DPP6: variants seen among roughly 807,000 people sequenced by gnomAD.
DPP6 encodes the protein A-type potassium channel modulatory protein DPP6.
A neutral mutation model predicts 122.6 loss-of-function variants in DPP6; 69 were observed. The ratio of observed to expected loss-of-function variants is 0.56; its 90% CI spans 0.46 to 0.69. The LOEUF (loss-of-function observed/expected upper bound fraction) is 0.69, where lower values mean the gene tolerates loss of function less well. Among genes scored for constraint, DPP6 ranks in the 30% least tolerant of loss-of-function variants. DPP6 has a pLI of 0.00. For synonymous variants in DPP6, 418 were observed against 433.1 expected, an observed-to-expected ratio of 0.97 and a Z score of 0.43; for missense variants, 928 against 1,116.9, an observed-to-expected ratio of 0.83 and a Z score of 2.41.
intron 7 of DPP6, among the ~76,000 whole-genome samples, chr7:154,685,732 G>A (rs1416820024): frequency 6.6e-6 from 1 of 152,218 alleles, no homozygotes; most frequent in Non-Finnish European, 1.5e-5. Context: ...TACTTCCTTA[G>A]ATCAACATGC....
At chr7:154,331,894 A>T (rs1396753041) in intron 1 of DPP6, among the ~76,000 whole-genome samples, 2 of 152,208 alleles carry the variant, frequency 1.3e-5, no homozygotes, top group African/African-American at 4.8e-5. Flanking sequence ...CTTATGGTGC[A>T]CATAGCTAAA....
At chr7:154,289,019 G>A (rs2150961758) in intron 1 of DPP6, among the ~76,000 whole-genome samples, 1 of 152,310 alleles carries the variant, frequency 6.6e-6, no homozygotes, top group Admixed American at 6.5e-5. Context: ...TGCCCAGAGT[G>A]CAGCCCTGTT....
intron 7 of DPP6, among the ~76,000 whole-genome samples, chr7:154,725,472 G>C (rs1842020605): frequency 6.6e-6 from 1 of 152,132 alleles, no homozygotes; most frequent in Non-Finnish European, 1.5e-5. Context: ...AAGAGAAAGA[G>C]AGTGAAGGGG....
chr7:153,843,022 A>T, the DPP6 span, among the ~76,000 whole-genome samples: 1 of 151,574 alleles, frequency 6.6e-6, no homozygotes, highest in African/African-American at 2.4e-5. Flanking sequence ...ACACACAAGC[A>T]TGCACACACA....
At chr7:154,000,013 A>G (rs1797618552) in intron 1 of DPP6, among the ~76,000 whole-genome samples, 1 of 152,132 alleles carries the variant, frequency 6.6e-6, no homozygotes, top group African/African-American at 2.4e-5. Flanking sequence ...AAAGGTGGAA[A>G]ATTTATATAT....
intron 1 of DPP6, among the ~76,000 whole-genome samples, chr7:154,274,559 T>A (rs1804004415): frequency 6.6e-6 from 1 of 152,176 alleles, no homozygotes; most frequent in Non-Finnish European, 1.5e-5. Flanking sequence ...GACCTTGAAT[T>A]TTAGCATTTG....
intron 1 of DPP6, among the ~76,000 whole-genome samples, chr7:154,311,975 G>A (rs191489367): frequency 9.2e-5 from 14 of 152,298 alleles, no homozygotes; most frequent in Middle Eastern, 3.4e-3. Flanking sequence ...AAAACCCAAT[G>A]CAATTATTAA....
intron 1 of DPP6, among the ~76,000 whole-genome samples, chr7:154,286,352 A>C (rs1253723100): frequency 2.0e-5 from 3 of 152,172 alleles, no homozygotes; most frequent in Non-Finnish European, 4.4e-5. Flanking sequence ...ACTCATGTGC[A>C]TTCAGGACAG....
At chr7:154,783,678 C>G (rs182098871) in intron 10 of DPP6, among the ~76,000 whole-genome samples, 149 of 152,296 alleles carry the variant, frequency 9.8e-4, no homozygotes, top group Admixed American at 6.6e-3. Context: ...TCCCTTTGTC[C>G]CCTCGAGAGA....
chr7:154,075,021 G>A (rs1803455957), intron 1 of DPP6, among the ~76,000 whole-genome samples: 2 of 150,656 alleles, frequency 1.3e-5, no homozygotes, highest in African/African-American at 4.9e-5. Flanking sequence ...TTAAAAAGAA[G>A]GTATACAAAT....
At chr7:154,122,895 C>G (rs1221188448) in intron 1 of DPP6, among the ~76,000 whole-genome samples, 2 of 152,398 alleles carry the variant, frequency 1.3e-5, no homozygotes, top group African/African-American at 2.4e-5. Context: ...AGACTCTCCT[C>G]CCTCTGCCCA....
Position 153,939,540 on chromosome 7 carries a change from G to GA in DPP6, c.51+51814dup, listed in dbSNP as rs35474316. ...GAGTGTGGGGCACTGTGAGGAGTCT[G>GA]AAAAAAAAGGACCTCACTCAGGCTG... On this transcript the variant is annotated intron_variant, in intron 1 of 25. Transcript: ENST00000404039. Among the ~76,000 whole-genome samples the GA allele has an allele frequency of 9.3e-4, 142 of 151,950 alleles. 2 individuals are homozygous for GA. Among genetic ancestry groups the GA allele is most frequent in the Non-Finnish European group, 8.0e-4 (54 of 67,918 alleles).
At chr7:154,142,424 A>G (rs956620663) in intron 1 of DPP6, among the ~76,000 whole-genome samples, 1 of 152,150 alleles carries the variant, frequency 6.6e-6, no homozygotes, top group African/African-American at 2.4e-5. Context: ...TGTTTATAAT[A>G]CGTCCCCCCA....
chr7:154,290,779 G>A (rs910878299), intron 1 of DPP6, among the ~76,000 whole-genome samples: 3 of 151,966 alleles, frequency 2.0e-5, no homozygotes, highest in African/African-American at 4.8e-5. Context: ...TTCTAGAATC[G>A]CAGGTCCCTT....
chr7:153,810,373 A>G, the DPP6 span, among the ~76,000 whole-genome samples: 1 of 152,206 alleles, frequency 6.6e-6, no homozygotes, highest in Non-Finnish European at 1.5e-5. Flanking sequence ...CATATAAAAT[A>G]CTAGACAGGA....
At position 154,429,173 on chromosome 7, in the gene DPP6, A is replaced by T. The variant is rs560818268; in HGVS notation, c.244-17041A>T. 5.7e-5 allele frequency among the ~76,000 whole-genome samples: 4 copies of T among 70,196 alleles called. No individual in the cohort carries two copies. The East Asian group carries it at 1.9e-3, about 34-fold the overall frequency. The allele number at this position is 70,196 out of a possible 152,430, so 46.1% of individuals were successfully genotyped here. A position where few individuals can be genotyped will look rare whatever the true frequency, so the allele number is the denominator to read the frequency against. The stretch of plus-strand genomic sequence containing the variant: ...TAACCTCTCTGAGCTTCTGCTTCTT[A>T]ATCTGTTAAAAAAAAAAAAAGCATA... On this transcript the variant is annotated intron_variant, in intron 1 of 25. Coordinates refer to ENST00000377770, the MANE Select transcript of DPP6 (RefSeq NM_130797.4).
chr7:154,669,624 T>C (rs1838426719), intron 7 of DPP6, among the ~76,000 whole-genome samples, 183 bp downstream of exon 7: 1 of 152,162 alleles, frequency 6.6e-6, no homozygotes, highest in Non-Finnish European at 1.5e-5. Flanking sequence ...GGGTCATTTC[T>C]TTTTAGATAG....
the DPP6 span, among the ~76,000 whole-genome samples, chr7:153,784,219 CA>C: frequency 2.7e-3 from 413 of 152,268 alleles, 2 homozygotes; most frequent in Non-Finnish European, 4.1e-3. Context: ...TTGCAAAGAA[CA>C]TTGCCCTCAT....
intron 1 of DPP6, among the ~76,000 whole-genome samples, chr7:154,390,722 C>A (rs935527277): frequency 6.6e-6 from 1 of 152,076 alleles, no homozygotes; most frequent in African/African-American, 2.4e-5. Flanking sequence ...CCATCGCCGC[C>A]GTCTTCTCTG....
Sources: allele counts gnomAD v4.1 joint callset (sites outside exome capture counted in the v4.1 genomes callset), GRCh38; gene constraint gnomAD v4.1.1; transcripts MANE v1.5; gene names NCBI Gene and HGNC (gene_info 2026-07-23, HGNC 2026-07-21).